ZBTB7C: variants seen among roughly 807,000 people sequenced by gnomAD.
ZBTB7C encodes the protein zinc finger and BTB domain-containing protein 7C.
Under a neutral mutation model 25.7 loss-of-function variants are expected in ZBTB7C, and 8 were observed. That is an observed-to-expected ratio of 0.31 (90% confidence interval 0.18 to 0.56). The LOEUF is 0.56. Among genes scored for constraint, ZBTB7C ranks in the 20% least tolerant of loss-of-function variants. The pLI is 0.91. For synonymous variants in ZBTB7C, 394 were observed against 369.0 expected, an observed-to-expected ratio of 1.07 and a Z score of -0.78; for missense variants, 824 against 855.2, an observed-to-expected ratio of 0.96 and a Z score of 0.46.
At chr18:48,105,592 G>A (rs2039000432) in intron 3 of ZBTB7C, among the ~76,000 whole-genome samples, 1 of 152,118 alleles carries the variant, frequency 6.6e-6, no homozygotes, top group Admixed American at 6.6e-5. Context: ...AGGGAGTGAG[G>A]GGCATGGCAT....
At chr18:48,171,985 T>C (rs7231864) in intron 3 of ZBTB7C, among the ~76,000 whole-genome samples, 132,399 of 152,260 alleles carry the variant, frequency 0.87, 57,923 homozygotes, top group African/African-American at 0.96. Flanking sequence ...GATTTCAAAG[T>C]CGAATAAGAA....
At chr18:48,345,612 G>T (rs201910545) in intron 1 of ZBTB7C, among the ~76,000 whole-genome samples, 1 of 152,118 alleles carries the variant, frequency 6.6e-6, no homozygotes, top group Non-Finnish European at 1.5e-5. Context: ...TATTTCAGGA[G>T]TATATTTCTG....
At chr18:48,244,844 T>C (rs111809223) in intron 2 of ZBTB7C, among the ~76,000 whole-genome samples, 11 of 152,076 alleles carry the variant, frequency 7.2e-5, no homozygotes, top group African/African-American at 2.7e-4. Context: ...CTGGTGGGAA[T>C]GTAAACTATT....
chr18:48,171,579 A>G (rs1251152959), intron 3 of ZBTB7C, among the ~76,000 whole-genome samples: 3 of 152,226 alleles, frequency 2.0e-5, no homozygotes, highest in Non-Finnish European at 2.9e-5. Context: ...TGCTGTACCC[A>G]TTCCTGCAGC....
In ZBTB7C at chr18:48,106,766, C is replaced by CCA. The variant is rs2039042943; in HGVS notation, c.-16-65645_-16-65644dup. ...GGTATTTGGCTCAATTCAGAGAGAA[C>CCA]CACCAGCTTGCAATAAAACCATCTT... On this transcript the variant is annotated intron_variant, in intron 3 of 4. Transcript: ENST00000590800. Among the ~76,000 whole-genome samples the CCA allele has an allele frequency of 2.6e-5, 4 of 152,148 alleles. No individual in the cohort carries two copies. In the South Asian group the frequency reaches 8.3e-4, roughly 32 times the overall value.
intron 3 of ZBTB7C, chr18:48,041,507 A>G (rs1326156187): frequency 1.0e-6 from 1 of 985,240 alleles, no homozygotes; most frequent in African/African-American, 1.7e-5. Flanking sequence ...AACAGGACCC[A>G]CCTCTGTGGG....
At chr18:48,305,530 G>T (rs572361211) in intron 2 of ZBTB7C, among the ~76,000 whole-genome samples, 16 of 152,166 alleles carry the variant, frequency 1.1e-4, no homozygotes, top group Non-Finnish European at 1.5e-5. Context: ...CGTGAGACAC[G>T]TCAGACATAC....
intron 3 of ZBTB7C, among the ~76,000 whole-genome samples, chr18:48,081,849 C>A (rs1050952468): frequency 6.6e-6 from 1 of 151,850 alleles, no homozygotes; most frequent in Non-Finnish European, 1.5e-5. Context: ...AAGATAGACA[C>A]TGGATTTTGA....
chr18:48,289,495 C>T (rs931460924), intron 2 of ZBTB7C, among the ~76,000 whole-genome samples: 9 of 150,804 alleles, frequency 6.0e-5, no homozygotes, highest in African/African-American at 1.9e-4. Flanking sequence ...AAAATAAACA[C>T]GGTATGATTT....
At chr18:48,207,546 A>G (rs1049617011) in intron 2 of ZBTB7C, among the ~76,000 whole-genome samples, 3 of 152,090 alleles carry the variant, frequency 2.0e-5, no homozygotes, top group Non-Finnish European at 4.4e-5. Context: ...TCAATCATCT[A>G]TCATCTATCT....
intron 3 of ZBTB7C, among the ~76,000 whole-genome samples, chr18:48,058,186 A>G (rs1287352398): frequency 1.3e-5 from 2 of 152,240 alleles, no homozygotes; most frequent in African/African-American, 2.4e-5. Context: ...TCTCACATAT[A>G]GTAACTCATT....
chr18:48,339,377 C>A (rs149527436), intron 1 of ZBTB7C, among the ~76,000 whole-genome samples: 381 of 152,314 alleles, frequency 2.5e-3, no homozygotes, highest in African/African-American at 8.4e-3. Context: ...CAAGGGGAAG[C>A]CCCAGAGATA....
chr18:48,199,859 T>C lies in ZBTB7C; in HGVS notation c.-78-13864A>G, dbSNP rs959688822. On this transcript the variant is annotated intron_variant, in intron 2 of 4. Coordinates refer to ENST00000590800, the MANE Select transcript of ZBTB7C (RefSeq NM_001318841.2). Reference sequence around the variant, plus strand: ...GATATGATCCAAGAAGTTCCAGGCTTGGAGACACTGCTTACGGCTGAGGGA... The same window carrying C: ...GATATGATCCAAGAAGTTCCAGGCTCGGAGACACTGCTTACGGCTGAGGGA... Among the ~76,000 whole-genome samples, 11 of 152,302 alleles carry C rather than the reference T, an allele frequency of 7.2e-5. No homozygotes were observed. The South Asian group carries it at 1.0e-3, about 14-fold the overall frequency.
At chr18:48,278,490 C>T (rs949383107) in intron 2 of ZBTB7C, among the ~76,000 whole-genome samples, 19 of 151,682 alleles carry the variant, frequency 1.3e-4, no homozygotes, top group African/African-American at 4.4e-4. Context: ...GGCTGGAATG[C>T]AATGGTGCGA....
chr18:48,231,248 G>T (rs1158896929), intron 2 of ZBTB7C, among the ~76,000 whole-genome samples: 1 of 152,168 alleles, frequency 6.6e-6, no homozygotes. Flanking sequence ...CCACAGACCA[G>T]AGTGAGAACT....
chr18:48,272,308 T>C (rs2044517852), intron 2 of ZBTB7C, among the ~76,000 whole-genome samples: 1 of 152,214 alleles, frequency 6.6e-6, no homozygotes, highest in African/African-American at 2.4e-5. Context: ...AGCTGGGACA[T>C]GCAATCTTCT....
chr18:48,235,587 CCTT>C (rs1402713100), intron 2 of ZBTB7C, among the ~76,000 whole-genome samples: 3 of 152,178 alleles, frequency 2.0e-5, no homozygotes, highest in African/African-American at 7.2e-5. Flanking sequence ...CTTAGATCCT[CCTT>C]CTGCGACAAG....
chr18:48,130,154 T>C (rs2039944144), intron 3 of ZBTB7C, among the ~76,000 whole-genome samples: 2 of 152,324 alleles, frequency 1.3e-5, no homozygotes, highest in East Asian at 1.9e-4. Flanking sequence ...CAAGGAGCCC[T>C]GAAATTGTAC....
intron 2 of ZBTB7C, among the ~76,000 whole-genome samples, chr18:48,310,148 T>A (rs2045778547): frequency 6.6e-6 from 1 of 151,528 alleles, no homozygotes; most frequent in East Asian, 1.9e-4. Flanking sequence ...GAGAATGGCG[T>A]GAACCCAGGA....
Sources: allele counts gnomAD v4.1 joint callset (sites outside exome capture counted in the v4.1 genomes callset), GRCh38; gene constraint gnomAD v4.1.1; transcripts MANE v1.5; gene names NCBI Gene and HGNC (gene_info 2026-07-23, HGNC 2026-07-21).